The following RALGAPA1 variants were observed in gnomAD, a reference collection of about 807,000 sequenced individuals.
The protein encoded by RALGAPA1 is ral GTPase-activating protein subunit alpha-1.
Under a neutral mutation model 269.6 loss-of-function variants are expected in RALGAPA1, and 52 were observed. The ratio of observed to expected loss-of-function variants is 0.19; its 90% confidence interval spans 0.15 to 0.24. The LOEUF is 0.24. RALGAPA1 is among the 10% of genes least tolerant of loss of function. The probability of loss-of-function intolerance (pLI) is 1.00; values close to 1 mark genes in which losing one functional copy is unlikely to be tolerated. For synonymous variants in RALGAPA1, 817 were observed against 1,008.3 expected (o/e 0.81, Z 3.60); for missense variants, 1,917 against 3,013.9 (o/e 0.64, Z 8.52).
chr14:35,684,056 G>A (rs2065706121), intron 20 of RALGAPA1, 71 bp from the exon 21 acceptor site: 11 of 1,219,508 alleles, frequency 9.0e-6, no homozygotes, highest in Non-Finnish European at 1.3e-5. Context: ...AGCTAAATCA[G>A]CAAAATGATC....
intron 16 of RALGAPA1, among the ~76,000 whole-genome samples, chr14:35,707,783 C>T (rs1567052935): frequency 6.6e-6 from 1 of 152,076 alleles, no homozygotes; most frequent in Non-Finnish European, 1.5e-5. Flanking sequence ...TAATACATAC[C>T]AGGCTGTTCA....
At chr14:35,588,057 C>A (rs2138860094) in intron 37 of RALGAPA1, among the ~76,000 whole-genome samples, 1 of 152,242 alleles carries the variant, frequency 6.6e-6, no homozygotes, top group South Asian at 2.1e-4. Flanking sequence ...CAGGCACGTG[C>A]CACCACGCCC....
In RALGAPA1 at chr14:35,688,445, C is replaced by T. The variant is rs2066152608; in HGVS notation, c.3952+14G>A. ...TCTTTCTCCTTTTGCGCTCTGCACA[C>T]TGTTAGTGCTCACCTGCAGCTTTCC... On this transcript the variant is annotated intron_variant, in intron 18 of 41. Transcript: ENST00000680220. The T allele has an allele frequency of 3.9e-6, 6 of 1,536,098 alleles. No homozygotes were observed. Among genetic ancestry groups the T allele is most frequent in the Non-Finnish European group, 1.7e-6 (2 of 1,146,872 alleles).
At chr14:35,660,467 C>T (rs1055688560) in intron 27 of RALGAPA1, among the ~76,000 whole-genome samples, 2 of 151,866 alleles carry the variant, frequency 1.3e-5, no homozygotes, top group African/African-American at 2.4e-5. Context: ...AAGACCTGTA[C>T]GCGGAAAACT....
At chr14:35,572,072 A>G (rs1408060658) in intron 38 of RALGAPA1, among the ~76,000 whole-genome samples, 1 of 152,212 alleles carries the variant, frequency 6.6e-6, no homozygotes, top group Non-Finnish European at 1.5e-5. Context: ...TGGTGTATAT[A>G]TAAGACATCC....
chr14:35,800,704 G>C (rs1457252076), intron 1 of RALGAPA1, among the ~76,000 whole-genome samples: 2 of 152,120 alleles, frequency 1.3e-5, no homozygotes, highest in Non-Finnish European at 2.9e-5. Flanking sequence ...CTAAGTAGAA[G>C]AAAGAAAGTA....
intron 37 of RALGAPA1, among the ~76,000 whole-genome samples, chr14:35,576,492 TA>T (rs1202247371): frequency 1.3e-5 from 2 of 152,198 alleles, no homozygotes; most frequent in African/African-American, 4.8e-5. Context: ...GGGCTATCCT[TA>T]AGTTCAAATT....
intron 39 of RALGAPA1, among the ~76,000 whole-genome samples, chr14:35,552,133 AAAC>A (rs2055073933): frequency 6.6e-6 from 1 of 152,146 alleles, no homozygotes; most frequent in African/African-American, 2.4e-5. Context: ...AACAACATGA[AAAC>A]AAGCCAACCC....
intron 35 of RALGAPA1, 24 bp downstream of exon 35, chr14:35,625,337 T>C (rs767906488): frequency 8.5e-6 from 13 of 1,530,190 alleles, no homozygotes; most frequent in South Asian, 2.3e-5. Context: ...TTGCTAGTTA[T>C]GTGAAGATTT....
At chr14:35,793,425 C>T (rs947870135) in intron 1 of RALGAPA1, among the ~76,000 whole-genome samples, 1 of 151,938 alleles carries the variant, frequency 6.6e-6, no homozygotes, top group Non-Finnish European at 1.5e-5. Flanking sequence ...TTAGTAGAGA[C>T]AGGGTTTCTC....
At chr14:35,620,445 CT>C (rs1182158193) in intron 35 of RALGAPA1, among the ~76,000 whole-genome samples, 1 of 152,044 alleles carries the variant, frequency 6.6e-6, no homozygotes, top group African/African-American at 2.4e-5. Flanking sequence ...CCTTTGAAAA[CT>C]GGTACAAGAC....
At position 35,807,703 on chromosome 14, in the gene RALGAPA1, G is replaced by A. The variant is rs949310093; in HGVS notation, c.106+1027C>T. 5 of 152,162 alleles carry A rather than the reference G, an allele frequency of 3.3e-5. No homozygotes were observed. In the East Asian group the frequency reaches 9.6e-4, roughly 29 times the overall value. 9.4% of individuals were successfully genotyped at this position (152,162 alleles called of 1,614,324 possible). ...CATCATAGAAATGTTGGGTAATATT[G>A]GTGGTATCCTGGTGGTATGAGTAAA... On this transcript the variant is annotated intron_variant, in intron 1 of 41. Coordinates refer to ENST00000680220, the MANE Select transcript of RALGAPA1 (RefSeq NM_001346249.2).
chr14:35,683,578 C>A, intron 21 of RALGAPA1: 1 of 367,686 alleles, frequency 2.7e-6, no homozygotes, highest in Non-Finnish European at 4.9e-6. Context: ...CATATATATA[C>A]AAAATATTGC....
chr14:35,548,806 T>C (rs1402570760), intron 40 of RALGAPA1, among the ~76,000 whole-genome samples: 5 of 152,168 alleles, frequency 3.3e-5, no homozygotes, highest in African/African-American at 2.4e-5. Flanking sequence ...TCAGAGTGCA[T>C]GCTTAATTTG....
intron 16 of RALGAPA1, among the ~76,000 whole-genome samples, chr14:35,710,696 TA>T (rs1711639645): frequency 6.6e-6 from 1 of 152,250 alleles, no homozygotes; most frequent in Admixed American, 6.5e-5. Context: ...TTATGGATTA[TA>T]AAACTCAATT....
intron 35 of RALGAPA1, among the ~76,000 whole-genome samples, chr14:35,622,144 G>A (rs1353124566): frequency 6.6e-6 from 1 of 152,184 alleles, no homozygotes. Context: ...ACTGAATTAA[G>A]AAACTGTGGC....
At chr14:35,734,966 T>C (rs1170557059) in intron 12 of RALGAPA1, among the ~76,000 whole-genome samples, 2 of 151,468 alleles carry the variant, frequency 1.3e-5, no homozygotes, top group Admixed American at 1.3e-4. Flanking sequence ...AAATCATTAA[T>C]GATCAGGGAA....
intron 37 of RALGAPA1, among the ~76,000 whole-genome samples, chr14:35,592,996 T>C (rs1159803927): frequency 6.6e-6 from 1 of 152,116 alleles, no homozygotes; most frequent in Non-Finnish European, 1.5e-5. Context: ...CTGGAAGTAC[T>C]AGCAAGAACA....
At chr14:35,670,012 C>G (rs1460720403) in intron 26 of RALGAPA1, among the ~76,000 whole-genome samples, 2 of 152,176 alleles carry the variant, frequency 1.3e-5, no homozygotes, top group Non-Finnish European at 2.9e-5. Flanking sequence ...TCTCAGGGAA[C>G]TGGAAAAACA....
Sources: gnomAD v4.1 joint callset for allele counts (sites outside exome capture counted in the v4.1 genomes callset) on GRCh38, gnomAD v4.1.1 for gene constraint, MANE v1.5 for transcripts, NCBI Gene and HGNC (gene_info 2026-07-23, HGNC 2026-07-21) for gene names.